Variants in TOX observed in about 807,000 individuals in gnomAD.
TOX encodes thymocyte selection associated high mobility group box, also known as thymocyte selection-associated high mobility group box protein TOX.
In TOX, 11 loss-of-function variants were observed where a neutral mutation model predicts 53.7. That is an observed-to-expected ratio of 0.20 (90% CI 0.13 to 0.34). The LOEUF (loss-of-function observed/expected upper bound fraction) is 0.34, where lower values mean the gene tolerates loss of function less well. TOX is among the 10% of genes least tolerant of loss of function. The pLI is 1.00. For synonymous variants in TOX, 225 were observed against 245.3 expected (o/e 0.92, Z 0.77); for missense variants, 570 against 664.6 (o/e 0.86, Z 1.56).
intron 1 of TOX, among the ~76,000 whole-genome samples, chr8:59,050,594 A>G (rs1327392391): frequency 1.3e-5 from 2 of 152,128 alleles, no homozygotes; most frequent in Non-Finnish European, 2.9e-5. Flanking sequence ...AAGCATCAAC[A>G]TAAGGAGGAA....
At chr8:59,112,086 C>A (rs1013878512) in intron 1 of TOX, among the ~76,000 whole-genome samples, 1 of 152,110 alleles carries the variant, frequency 6.6e-6, no homozygotes, top group African/African-American at 2.4e-5. Flanking sequence ...ATAGATCAAA[C>A]TAAAGAAGTG....
intron 3 of TOX, among the ~76,000 whole-genome samples, chr8:58,875,042 G>A (rs1359622876): frequency 1.3e-5 from 2 of 152,184 alleles, no homozygotes; most frequent in African/African-American, 4.8e-5. Flanking sequence ...GAAGATTCCT[G>A]CATTTCCCTT....
At chr8:58,867,166 C>G (rs1466569868) in intron 3 of TOX, among the ~76,000 whole-genome samples, 1 of 152,174 alleles carries the variant, frequency 6.6e-6, no homozygotes, top group Admixed American at 6.5e-5. Context: ...ACAAAAAACA[C>G]TCTTGGCAAA....
At chr8:58,891,613 C>G (rs1355001732) in intron 3 of TOX, among the ~76,000 whole-genome samples, 1 of 152,182 alleles carries the variant, frequency 6.6e-6, no homozygotes, top group African/African-American at 2.4e-5. Context: ...CAGGTGAAAA[C>G]AGAGACCCTT....
chr8:59,049,599 C>T (rs1049900925), intron 1 of TOX, among the ~76,000 whole-genome samples: 27 of 152,206 alleles, frequency 1.8e-4, no homozygotes, highest in African/African-American at 6.3e-4. Context: ...AATTATTCAG[C>T]CAGCTGAAAA....
intron 3 of TOX, among the ~76,000 whole-genome samples, chr8:58,859,112 G>A (rs545917019): frequency 7.2e-5 from 11 of 152,104 alleles, no homozygotes; most frequent in East Asian, 3.9e-4. Context: ...TCGTTTTTAC[G>A]TGACCTTCTT....
rs1586015404 is a variant in TOX, at chr8:59,093,185, C to T, written c.102+25701G>A. Among the ~76,000 whole-genome samples, 3 of 152,188 alleles carry T rather than the reference C, an allele frequency of 2.0e-5. No homozygotes were observed. The South Asian group carries it at 6.2e-4, about 31-fold the overall frequency. On this transcript the variant is annotated intron_variant, in intron 1 of 8. Coordinates refer to ENST00000361421, the MANE Select transcript of TOX (RefSeq NM_014729.3). Reference sequence around the variant, plus strand: ...CTTTCTGTTCTTCCTATAGTAGGCTCTGAGGTGAGATCCTGCTTCCAGTTC... The same window carrying T: ...CTTTCTGTTCTTCCTATAGTAGGCTTTGAGGTGAGATCCTGCTTCCAGTTC...
chr8:58,933,548 T>C (rs1187650243), intron 3 of TOX, among the ~76,000 whole-genome samples: 2 of 145,874 alleles, frequency 1.4e-5, no homozygotes, highest in Admixed American at 1.4e-4. Flanking sequence ...TAGGTTCTTA[T>C]AACTGATTAA....
chr8:58,994,854 C>G (rs994249702), intron 1 of TOX, among the ~76,000 whole-genome samples: 24 of 152,124 alleles, frequency 1.6e-4, no homozygotes, highest in African/African-American at 5.6e-4. Context: ...TCTGAAGACT[C>G]GAAATGCTGA....
chr8:58,872,632 AC>A (rs1244594609), intron 3 of TOX, among the ~76,000 whole-genome samples: 4 of 152,144 alleles, frequency 2.6e-5, no homozygotes, highest in African/African-American at 9.7e-5. Context: ...ATAGTACATT[AC>A]CTAATGTATC....
chr8:59,060,309 C>T (rs1803958884), intron 1 of TOX, among the ~76,000 whole-genome samples: 1 of 152,180 alleles, frequency 6.6e-6, no homozygotes, highest in Admixed American at 6.5e-5. Flanking sequence ...CCTTCTGGCT[C>T]CCAATCCCAA....
intron 6 of TOX, among the ~76,000 whole-genome samples, chr8:58,818,247 AC>A (rs1382412010): frequency 6.6e-6 from 1 of 152,232 alleles, no homozygotes; most frequent in Non-Finnish European, 1.5e-5. Flanking sequence ...AAGAGTAGTA[AC>A]TTTTAATCAC....
At chr8:58,807,826 C>A (rs1370784574) in intron 8 of TOX, 43 bp from the exon 9 acceptor site, 3 of 1,612,600 alleles carry the variant, frequency 1.9e-6, no homozygotes, top group East Asian at 2.2e-5. Context: ...ACAGGACAAC[C>A]TGTGCTACAG....
intron 3 of TOX, among the ~76,000 whole-genome samples, chr8:58,914,972 C>T (rs1375683585): frequency 6.6e-6 from 1 of 151,872 alleles, no homozygotes. Context: ...TCACTCCCAC[C>T]CGAATATTGC....
intron 3 of TOX, among the ~76,000 whole-genome samples, chr8:58,889,615 T>C (rs1177023770): frequency 1.3e-5 from 2 of 152,160 alleles, no homozygotes; most frequent in Non-Finnish European, 2.9e-5. Flanking sequence ...AATTTTAAAA[T>C]GACATTTATA....
At chr8:58,914,201 C>T (rs1308007952) in intron 3 of TOX, among the ~76,000 whole-genome samples, 1 of 152,190 alleles carries the variant, frequency 6.6e-6, no homozygotes, top group African/African-American at 2.4e-5. Flanking sequence ...AGGTTGGTTT[C>T]GTCCTGCTGC....
At chr8:58,932,795 T>C (rs542903956) in intron 3 of TOX, among the ~76,000 whole-genome samples, 1 of 152,282 alleles carries the variant, frequency 6.6e-6, no homozygotes, top group South Asian at 2.1e-4. Context: ...TCATGAGTCC[T>C]GTATAGCACC....
intron 1 of TOX, among the ~76,000 whole-genome samples, chr8:59,109,810 G>A (rs924805190): frequency 6.6e-6 from 1 of 152,104 alleles, no homozygotes; most frequent in African/African-American, 2.4e-5. Flanking sequence ...TATTTTGTGG[G>A]ACGTACTTAC....
chr8:59,046,441 C>T (rs558594513), intron 1 of TOX, among the ~76,000 whole-genome samples: 8 of 152,242 alleles, frequency 5.3e-5, no homozygotes, highest in Admixed American at 2.0e-4. Context: ...TGGCAAGCTC[C>T]AATTTCAGAG....
Sources: gnomAD v4.1 joint callset for allele counts (sites outside exome capture counted in the v4.1 genomes callset) on GRCh38, gnomAD v4.1.1 for gene constraint, MANE v1.5 for transcripts, NCBI Gene and HGNC (gene_info 2026-07-23, HGNC 2026-07-21) for gene names.